UBA2: variants seen among roughly 807,000 people sequenced by gnomAD.
The protein encoded by UBA2 is SUMO-activating enzyme subunit 2.
UBA2 carries 11 observed loss-of-function variants against 77.2 expected under a neutral mutation model. The observed-to-expected ratio is 0.14, with a 90% CI of 0.09 to 0.24. The LOEUF (loss-of-function observed/expected upper bound fraction) is 0.24, where lower values mean the gene tolerates loss of function less well. Ranked by LOEUF, UBA2 falls within the 10% of genes least tolerant of loss-of-function variation. The pLI, the probability that UBA2 is intolerant of heterozygous loss-of-function variation, is 1.00. For synonymous variants in UBA2, 278 were observed against 276.7 expected (o/e 1.00, Z -0.05); for missense variants, 487 against 781.7 (o/e 0.62, Z 4.50).
Position 34,466,997 on chromosome 19 carries a change from A to C in UBA2, c.1724A>C (p.Gln575Pro), listed in dbSNP as rs748540736. ...ACCAATGGCAGTGATGATGGAGCTC[A>C]GCCCTCCACCTCCACAGGTGAGTAT... is the stretch of plus-strand genomic sequence containing the variant. ...SITNGSDDGA[Q>P]PSTSTAQEQD... The change falls in exon 16 of 17, where the codon CAG (glutamine) becomes CCG (proline). Residue 575 changes from glutamine (Q) to proline (P), a missense_variant. Gln to Pro is a moderately conservative substitution (Grantham distance 76). Around this residue, in one of 9 missense-constraint regions of UBA2, gnomAD observed 300 missense variants for 454.3 expected, o/e 0.66. Transcript: ENST00000246548. The C allele has an allele frequency of 6.2e-7, 1 of 1,614,098 alleles. No individual in the cohort carries two copies. The highest frequency in any genetic ancestry group is 1.1e-5 in the South Asian group (1 of 91,078).
chr19:34,455,103 G>A (rs2145547627), intron 12 of UBA2, among the ~76,000 whole-genome samples: 1 of 152,284 alleles, frequency 6.6e-6, no homozygotes, highest in African/African-American at 2.4e-5. Flanking sequence ...CATTGTAGAT[G>A]TATTTCTTCA....
chr19:34,430,399 T>C (rs2075239259), intron 1 of UBA2, among the ~76,000 whole-genome samples, 177 bp from the exon 2 acceptor site: 1 of 152,246 alleles, frequency 6.6e-6, no homozygotes, highest in Admixed American at 6.5e-5. Flanking sequence ...ATCTAGATTC[T>C]TACATGCATT....
intron 12 of UBA2, among the ~76,000 whole-genome samples, chr19:34,457,166 T>TAAAAAA (rs569078000): frequency 9.8e-5 from 5 of 51,040 alleles, no homozygotes; most frequent in African/African-American, 4.0e-4. Context: ...TGGTCTCTAC[T>TAAAAAA]AAAAAAAAAA....
intron 6 of UBA2, among the ~76,000 whole-genome samples, chr19:34,441,595 T>A (rs1168754583): frequency 6.6e-6 from 1 of 152,156 alleles, no homozygotes; most frequent in Non-Finnish European, 1.5e-5. Context: ...CTCAGAAAAG[T>A]ATACATAACA....
At chr19:34,430,706 T>A in intron 2 of UBA2, 47 bp downstream of exon 2, 1 of 1,450,460 alleles carries the variant, frequency 6.9e-7, no homozygotes, top group Non-Finnish European at 9.7e-7. Flanking sequence ...GGAGCTTCTA[T>A]TTGTGATACC....
chr19:34,431,844 G>T lies in UBA2; in HGVS notation c.223-17G>T, dbSNP rs745679545. ...AACAGAAATATTGTAGTAATTCAGT[G>T]TTGTTTATTTTTCCAGGTTGCCAAG... On this transcript the variant is annotated splice_polypyrimidine_tract_variant and intron_variant, in intron 2 of 16. Transcript: ENST00000246548. The T allele has an allele frequency of 6.2e-7, 1 of 1,609,700 alleles. No individual in the cohort carries two copies. Among genetic ancestry groups the T allele is most frequent in the Admixed American group, 1.7e-5 (1 of 59,958 alleles).
intron 4 of UBA2, 100 bp downstream of exon 4, chr19:34,433,512 C>T (rs1599887791): frequency 1.2e-6 from 1 of 815,926 alleles, no homozygotes. Flanking sequence ...TGATTTAGAA[C>T]TTAAAAGACT....
intron 8 of UBA2, among the ~76,000 whole-genome samples, chr19:34,447,751 C>T (rs1234903772): frequency 6.6e-6 from 1 of 152,164 alleles, no homozygotes; most frequent in Non-Finnish European, 1.5e-5. Context: ...TGCTTTGCAG[C>T]CCTTGAATAA....
intron 10 of UBA2, among the ~76,000 whole-genome samples, chr19:34,453,944 T>C (rs1242036855): frequency 6.6e-6 from 1 of 152,170 alleles, no homozygotes; most frequent in Non-Finnish European, 1.5e-5. Flanking sequence ...GTGAGTGGAA[T>C]TGAGATTCCG....
At chr19:34,440,922 T>C (rs2075361938) in intron 6 of UBA2, among the ~76,000 whole-genome samples, 1 of 119,952 alleles carries the variant, frequency 8.3e-6, no homozygotes, top group African/African-American at 3.5e-5. Flanking sequence ...CAAGACTCCA[T>C]CTCAAAAAAA....
Position 34,445,036 on chromosome 19 carries a change from C to T in UBA2, c.686C>T (p.Ser229Phe). 6.2e-7 allele frequency: 1 copy of T among 1,613,870 alleles called. No individual in the cohort carries two copies. ...PTEAEARARA[S>F]NEDGDIKRIS... ...GAAGCCGAAGCCAGAGCTAGAGCAT[C>T]TAATGAAGATGGTGACATTAAACGT... Residue 229 changes from serine (S) to phenylalanine (F), a missense_variant, in exon 8 of 17, where the codon TCT becomes TTT. Ser to Phe is a radical substitution (Grantham distance 155). Transcript: ENST00000246548.
At position 34,469,279 on chromosome 19, in the gene UBA2, A is replaced by G. The variant is rs1353651045; in HGVS notation, c.*58A>G. The G allele has an allele frequency of 1.4e-6, 2 of 1,432,210 alleles. No individual in the cohort carries two copies. Among genetic ancestry groups the G allele is most frequent in the Non-Finnish European group, 1.8e-6 (2 of 1,089,164 alleles). The allele number at this position is 1,432,210 out of a possible 1,614,324, so 88.7% of individuals were successfully genotyped here. A position where few individuals can be genotyped will look rare whatever the true frequency, so the allele number is the denominator to read the frequency against. ...ATTTAGTTTATCTGGGCAGAACCAG[A>G]TTGTTATGTCCTTTGTTCCAAAGGG... On this transcript the variant is annotated 3_prime_UTR_variant, in exon 17 of 17. Coordinates refer to ENST00000246548, the MANE Select transcript of UBA2 (RefSeq NM_005499.3).
At chr19:34,436,725 T>C (rs959854824) in intron 5 of UBA2, among the ~76,000 whole-genome samples, 5 of 118,190 alleles carry the variant, frequency 4.2e-5, no homozygotes, top group African/African-American at 9.9e-5. Context: ...TTTGAAACTA[T>C]AGAAAGAGAA....
At chr19:34,453,533 T>C (rs971833060) in intron 10 of UBA2, among the ~76,000 whole-genome samples, 21 of 151,408 alleles carry the variant, frequency 1.4e-4, no homozygotes, top group Non-Finnish European at 7.4e-5. Context: ...TTTTTTTTTT[T>C]TTTTAATTGA....
intron 14 of UBA2, among the ~76,000 whole-genome samples, chr19:34,461,953 G>A (rs1460881584): frequency 1.3e-5 from 2 of 152,148 alleles, no homozygotes; most frequent in Non-Finnish European, 2.9e-5. Flanking sequence ...AAAGAAGAGA[G>A]CATTTAGACA....
chr19:34,463,780 A>G (rs2075658175), intron 14 of UBA2, among the ~76,000 whole-genome samples: 2 of 152,026 alleles, frequency 1.3e-5, no homozygotes, highest in African/African-American at 4.8e-5. Flanking sequence ...CTCCTCCTAT[A>G]AGGACATCAG....
Position 34,460,553 on chromosome 19 carries a change from G to A in UBA2, c.1485G>A (p.Glu495=), listed in dbSNP as rs768487382. The part of the protein sequence containing the change: ...GKGTILISSE[E]GETEANNHKK... The stretch of plus-strand genomic sequence containing the variant: ...GAACAATCCTAATATCTTCCGAAGA[G>A]GGAGAGACGGAAGGTATCATACATT... The change falls in exon 14 of 17, where the codon GAG becomes GAA. Residue 495 remains glutamate, a synonymous_variant. Coordinates refer to ENST00000246548, the MANE Select transcript of UBA2 (RefSeq NM_005499.3). The A allele has an allele frequency of 1.4e-5, 23 of 1,608,820 alleles. No homozygotes were observed. The highest frequency in any genetic ancestry group is 3.4e-6 in the Non-Finnish European group (4 of 1,177,178).
chr19:34,469,416 T>C lies in UBA2; in HGVS notation c.*195T>C, dbSNP rs2075718625. The stretch of plus-strand genomic sequence containing the variant: ...GCTGTATTGAAAGTAGGAATATAGT[T>C]TTAAAAACCCTTTGAACAAAGTGTG... On this transcript the variant is annotated 3_prime_UTR_variant, in exon 17 of 17. Coordinates refer to ENST00000246548, the MANE Select transcript of UBA2 (RefSeq NM_005499.3). The C allele has an allele frequency of 1.1e-5, 4 of 368,428 alleles. No individual in the cohort carries two copies. The highest frequency in any genetic ancestry group is 4.4e-4 in the Middle Eastern group (1 of 2,254). 22.8% of individuals were successfully genotyped at this position (368,428 alleles called of 1,614,324 possible). A position where few individuals can be genotyped will look rare whatever the true frequency, so the allele number is the denominator to read the frequency against.
intron 6 of UBA2, among the ~76,000 whole-genome samples, chr19:34,441,538 G>A (rs955574664): frequency 6.6e-6 from 1 of 152,092 alleles, no homozygotes; most frequent in African/African-American, 2.4e-5. Context: ...ACCCGATAAA[G>A]GGTATTTTGT....
Sources: allele counts gnomAD v4.1 joint callset (sites outside exome capture counted in the v4.1 genomes callset), GRCh38; gene constraint gnomAD v4.1.1; regional missense constraint gnomAD v4.1.1; transcripts MANE v1.5; gene names NCBI Gene and HGNC (gene_info 2026-07-23, HGNC 2026-07-21).